The following CNBD1 variants were observed in gnomAD, a reference collection of about 807,000 sequenced individuals.
The protein encoded by CNBD1 is cyclic nucleotide-binding domain-containing protein 1.
A neutral mutation model predicts 54.4 loss-of-function variants in CNBD1; 71 were observed. That is an observed-to-expected ratio of 1.30 (90% CI 1.08 to 1.59). CNBD1 has a LOEUF of 1.59. Among genes scored for constraint, CNBD1 ranks in the 40% most tolerant of loss-of-function variants. CNBD1 has a pLI of 0.00. For synonymous variants in CNBD1, 182 were observed against 170.7 expected (o/e 1.07, Z -0.51); for missense variants, 659 against 518.0 (o/e 1.27, Z -2.64).
At chr8:87,329,964 G>T (rs913953876) in intron 8 of CNBD1, among the ~76,000 whole-genome samples, 32 of 151,734 alleles carry the variant, frequency 2.1e-4, no homozygotes, top group African/African-American at 7.5e-4. Flanking sequence ...TCTTTACCTT[G>T]TTCTTTATCT....
At chr8:86,884,771 T>C (rs1563810158) in intron 1 of CNBD1, among the ~76,000 whole-genome samples, 1 of 152,220 alleles carries the variant, frequency 6.6e-6, no homozygotes, top group Admixed American at 6.5e-5. Context: ...TGCCAGTATT[T>C]CTGTTGCTAT....
At chr8:87,119,040 G>T (rs1407435731) in intron 4 of CNBD1, among the ~76,000 whole-genome samples, 3 of 152,044 alleles carry the variant, frequency 2.0e-5, no homozygotes, top group Admixed American at 2.0e-4. Context: ...AGCACCTACT[G>T]TATGCCAAGT....
At chr8:87,287,999 A>G (rs1048621349) in intron 8 of CNBD1, among the ~76,000 whole-genome samples, 1 of 152,028 alleles carries the variant, frequency 6.6e-6, no homozygotes. Flanking sequence ...TTTTTTAACC[A>G]AAAGTACAAA....
chr8:86,903,086 C>T (rs1475676507), intron 2 of CNBD1, among the ~76,000 whole-genome samples: 1 of 152,018 alleles, frequency 6.6e-6, no homozygotes, highest in Non-Finnish European at 1.5e-5. Context: ...ATCATGTCAT[C>T]TCTAGCTCTA....
At chr8:87,423,897 A>C (rs1338464289) in intron 2 of CNBD1, among the ~76,000 whole-genome samples, 1 of 152,196 alleles carries the variant, frequency 6.6e-6, no homozygotes, top group East Asian at 1.9e-4. Flanking sequence ...CTGTGAAGCC[A>C]TCTAGTCCTG....
intron 2 of CNBD1, among the ~76,000 whole-genome samples, chr8:87,388,363 T>G: frequency 1.0e-5 from 1 of 98,660 alleles, no homozygotes; most frequent in East Asian, 2.1e-4. Context: ...CTAGAAAGAC[T>G]AATGAAGAAA....
chr8:87,153,244 A>G (rs917083135), intron 4 of CNBD1, among the ~76,000 whole-genome samples: 2 of 152,166 alleles, frequency 1.3e-5, no homozygotes, highest in Admixed American at 6.5e-5. Context: ...AAAATTGCAT[A>G]TTGTGTCTGT....
intron 4 of CNBD1, among the ~76,000 whole-genome samples, chr8:87,152,735 T>C (rs1335883342): frequency 6.6e-6 from 1 of 152,160 alleles, no homozygotes; most frequent in Non-Finnish European, 1.5e-5. Flanking sequence ...ATTATTTTTA[T>C]ATATTTATTT....
chr8:87,010,812 C>T (rs916793744), intron 4 of CNBD1, among the ~76,000 whole-genome samples: 2 of 152,172 alleles, frequency 1.3e-5, no homozygotes, highest in Non-Finnish European at 2.9e-5. Context: ...TTTTCTTGAA[C>T]ACTGAAAACA....
intron 6 of CNBD1, among the ~76,000 whole-genome samples, chr8:87,265,150 T>A (rs1808224481): frequency 2.0e-5 from 3 of 152,256 alleles, no homozygotes; most frequent in Admixed American, 2.0e-4. Context: ...CATGTGAGTC[T>A]TTAATCCGTC....
chr8:87,045,450 G>A (rs987811170), intron 4 of CNBD1, among the ~76,000 whole-genome samples: 1 of 152,148 alleles, frequency 6.6e-6, no homozygotes, highest in Non-Finnish European at 1.5e-5. Context: ...TGATCCAAAA[G>A]GAACATGCTT....
chr8:87,273,743 T>G (rs1010643719), intron 6 of CNBD1, among the ~76,000 whole-genome samples: 7 of 152,034 alleles, frequency 4.6e-5, no homozygotes, highest in African/African-American at 1.4e-4. Context: ...TTTAAAAGAT[T>G]TTTGAAATAA....
At chr8:87,417,271 A>C (rs1242232942) in intron 2 of CNBD1, among the ~76,000 whole-genome samples, 4 of 151,980 alleles carry the variant, frequency 2.6e-5, no homozygotes, top group Non-Finnish European at 5.9e-5. Flanking sequence ...ATCAGATCTC[A>C]TGAGGCCTAT....
chr8:87,099,646 C>T (rs1209799462), intron 4 of CNBD1, among the ~76,000 whole-genome samples: 1 of 152,164 alleles, frequency 6.6e-6, no homozygotes, highest in African/African-American at 2.4e-5. Context: ...AAGGAAGACA[C>T]TCCCAATTTT....
At chr8:86,934,827 T>A (rs2130413318) in intron 3 of CNBD1, among the ~76,000 whole-genome samples, 1 of 152,318 alleles carries the variant, frequency 6.6e-6, no homozygotes, top group South Asian at 2.1e-4. Context: ...TCTAAAATTA[T>A]CCCTGGATTT....
In CNBD1 at chr8:87,188,985, TC is replaced by T. The variant is rs200638488; in HGVS notation, c.432-17007del. Reference sequence around the variant, plus strand: ...ATTAAGATTTCCAACAGAATGGTGTTCGTTTTTTTTTCACAGAGAAATGCAG... The same window carrying T: ...ATTAAGATTTCCAACAGAATGGTGTTGTTTTTTTTTCACAGAGAAATGCAG... On this transcript the variant is annotated intron_variant, in intron 4 of 10. Transcript: ENST00000518476. 1.3e-3 allele frequency among the ~76,000 whole-genome samples: 205 copies of T among 152,190 alleles called. 3 individuals carry two copies. In the East Asian group the frequency reaches 0.033, roughly 24 times the overall value.
At chr8:87,278,537 C>T (rs1808529454) in intron 6 of CNBD1, among the ~76,000 whole-genome samples, 1 of 151,576 alleles carries the variant, frequency 6.6e-6, no homozygotes, top group Non-Finnish European at 1.5e-5. Flanking sequence ...AAAGTAACTT[C>T]TGACCTAGAC....
chr8:87,308,056 T>C (rs137889942), intron 8 of CNBD1, among the ~76,000 whole-genome samples: 1 of 152,230 alleles, frequency 6.6e-6, no homozygotes, highest in Non-Finnish European at 1.5e-5. Flanking sequence ...AGTAGCTACA[T>C]TGTCTTTACA....
At chr8:87,191,780 T>A (rs1338832876) in intron 4 of CNBD1, among the ~76,000 whole-genome samples, 1 of 152,184 alleles carries the variant, frequency 6.6e-6, no homozygotes, top group African/African-American at 2.4e-5. Context: ...CCCAGCAGCA[T>A]CTTGACACGA....
Sources: gnomAD v4.1 joint callset for allele counts (sites outside exome capture counted in the v4.1 genomes callset) on GRCh38, gnomAD v4.1.1 for gene constraint, MANE v1.5 for transcripts, NCBI Gene and HGNC (gene_info 2026-07-23, HGNC 2026-07-21) for gene names.